The following ANK2 variants were observed in gnomAD, a reference collection of about 807,000 sequenced individuals.
The protein encoded by ANK2 is ankyrin-2.
In ANK2, 83 loss-of-function variants were observed where a neutral mutation model predicts 360.5. The ratio of observed to expected loss-of-function variants is 0.23; its 90% CI spans 0.19 to 0.28. The LOEUF (loss-of-function observed/expected upper bound fraction) is 0.28, where lower values mean the gene tolerates loss of function less well. Ranked by LOEUF, ANK2 falls within the 10% of genes least tolerant of loss-of-function variation. The pLI is 1.00. For missense variants in ANK2, 4,201 were observed against 4,795.7 expected (o/e 0.88, Z 3.66); for synonymous variants, 1,740 against 1,759.5 (o/e 0.99, Z 0.28).
chr4:112,989,305 G>T (rs1192484698), intron 2 of ANK2, among the ~76,000 whole-genome samples: 1 of 152,102 alleles, frequency 6.6e-6, no homozygotes, highest in Non-Finnish European at 1.5e-5. Flanking sequence ...AAACTCAACT[G>T]ATAACTTCAA....
In ANK2 at chr4:112,925,946, T is replaced by A. The variant is rs922082517; in HGVS notation, c.21+21432T>A. On this transcript the variant is annotated intron_variant, in intron 2 of 30. Coordinates refer to the ANK2 transcript ENST00000503271. Reference sequence around the variant, plus strand: ...AAAGTCAGGCATTAATAGTTTGTGTTCTAGACCTCTACACAAAAATTTCAG... The same window carrying A: ...AAAGTCAGGCATTAATAGTTTGTGTACTAGACCTCTACACAAAAATTTCAG... Among the ~76,000 whole-genome samples the A allele has an allele frequency of 9.9e-5, 15 of 152,228 alleles. 1 individual carries two copies. The highest frequency in any genetic ancestry group is 3.6e-4 in the African/African-American group (15 of 41,462).
chr4:112,988,491 A>C (rs1329263251), intron 2 of ANK2, among the ~76,000 whole-genome samples: 1 of 152,230 alleles, frequency 6.6e-6, no homozygotes, highest in East Asian at 1.9e-4. Flanking sequence ...GAAAGAAAAA[A>C]GGGTTGAGCT....
chr4:112,942,278 C>G (rs1271201484), intron 2 of ANK2, among the ~76,000 whole-genome samples: 1 of 152,042 alleles, frequency 6.6e-6, no homozygotes, highest in Non-Finnish European at 1.5e-5. Context: ...GAAAGCTCCA[C>G]TCAGTGGCGC....
At position 113,336,711 on chromosome 4, in the gene ANK2, T is replaced by G. The variant is rs2093588862; in HGVS notation, c.3726T>G (p.Ala1242=). ...PITMTIPVPK[A]SSDVMLNGFG... ...CCATGACCATTCCTGTCCCCAAAGC[T>G]TCAAGTGATGTCATGTTGAATGGTT... The change falls in exon 31 of 46, where the codon GCT becomes GCG. Residue 1242 remains alanine (A), a synonymous_variant. Coordinates refer to ENST00000357077, the MANE Select transcript of ANK2 (RefSeq NM_001148.6). 1.9e-6 allele frequency: 3 copies of G among 1,614,100 alleles called. No individual in the cohort carries two copies. The African/African-American group carries it at 4.0e-5, about 22-fold the overall frequency.
chr4:113,168,268 G>T (rs1348940989), intron 1 of ANK2, among the ~76,000 whole-genome samples: 1 of 152,130 alleles, frequency 6.6e-6, no homozygotes, highest in African/African-American at 2.4e-5. Flanking sequence ...GAATTTATCT[G>T]TTTAGTTAAA....
chr4:112,886,822 A>C (rs2078538300), intron 1 of ANK2, among the ~76,000 whole-genome samples: 1 of 152,220 alleles, frequency 6.6e-6, no homozygotes, highest in Non-Finnish European at 1.5e-5. Flanking sequence ...CAGAATCTCT[A>C]CCATGTTCAC....
At chr4:113,080,024 G>A (rs1359745337) in intron 1 of ANK2, among the ~76,000 whole-genome samples, 3 of 151,432 alleles carry the variant, frequency 2.0e-5, no homozygotes, top group East Asian at 1.9e-4. Flanking sequence ...TCAGTTACCC[G>A]AATAGTTGGG....
At chr4:113,188,651 G>A (rs1047257027) in intron 2 of ANK2, among the ~76,000 whole-genome samples, 19 of 152,140 alleles carry the variant, frequency 1.2e-4, no homozygotes, top group African/African-American at 4.6e-4. Flanking sequence ...TTCTATTAAT[G>A]TGTTTCAGAT....
chr4:113,182,343 T>C (rs2098435356), intron 2 of ANK2, among the ~76,000 whole-genome samples: 1 of 152,176 alleles, frequency 6.6e-6, no homozygotes, highest in African/African-American at 2.4e-5. Context: ...GGCAGTTGGA[T>C]ATATGAATTT....
the ANK2 span, among the ~76,000 whole-genome samples, chr4:112,751,382 C>T: frequency 6.6e-6 from 1 of 152,228 alleles, no homozygotes; most frequent in African/African-American, 2.4e-5. Context: ...AGTCCTGGCT[C>T]AGCCATTAAC....
intron 2 of ANK2, among the ~76,000 whole-genome samples, chr4:113,022,895 G>T (rs933251846): frequency 6.6e-6 from 1 of 152,042 alleles, no homozygotes; most frequent in Non-Finnish European, 1.5e-5. Flanking sequence ...CTCTATTATT[G>T]AAGTTTTACA....
the ANK2 span, among the ~76,000 whole-genome samples, chr4:112,773,839 C>T: frequency 2.6e-5 from 4 of 152,038 alleles, no homozygotes; most frequent in African/African-American, 9.6e-5. Context: ...CTTGCTGTAT[C>T]GCCTAGGCTG....
At chr4:112,972,656 T>A (rs555150196) in intron 2 of ANK2, among the ~76,000 whole-genome samples, 1 of 152,242 alleles carries the variant, frequency 6.6e-6, no homozygotes, top group East Asian at 1.9e-4. Context: ...TCCACAAATA[T>A]AATTTCCTCA....
At chr4:113,087,670 C>T (rs1453217603) in intron 1 of ANK2, among the ~76,000 whole-genome samples, 1 of 151,826 alleles carries the variant, frequency 6.6e-6, no homozygotes, top group Admixed American at 6.6e-5. Context: ...GAATCAAGAC[C>T]TTGAAGTTAT....
the ANK2 span, among the ~76,000 whole-genome samples, chr4:112,770,185 A>G: frequency 2.0e-5 from 3 of 152,100 alleles, no homozygotes; most frequent in Admixed American, 6.6e-5. Context: ...GAATCACAAT[A>G]AAACTGGTTT....
At chr4:113,135,523 C>CTGTGTGTGTGTG (rs33960021) in intron 1 of ANK2, among the ~76,000 whole-genome samples, 1 of 149,312 alleles carries the variant, frequency 6.7e-6, no homozygotes, top group Non-Finnish European at 1.5e-5. Flanking sequence ...GTGTGTCTCT[C>CTGTGTGTGTGTG]TGTGTGTGTG....
At chr4:113,198,988 T>G (rs2153404591) in intron 3 of ANK2, 23 bp from the exon 4 acceptor site, 1 of 1,585,660 alleles carries the variant, frequency 6.3e-7, no homozygotes, top group African/African-American at 1.3e-5. Flanking sequence ...TTGAACATTT[T>G]CTATTTTGTT....
chr4:112,911,604 C>T (rs988212820), intron 2 of ANK2, among the ~76,000 whole-genome samples: 8 of 152,038 alleles, frequency 5.3e-5, no homozygotes, highest in African/African-American at 1.9e-4. Context: ...ACTATGGGTG[C>T]GTGCCCACAC....
At chr4:113,249,457 C>T (rs1433147189) in intron 9 of ANK2, among the ~76,000 whole-genome samples, 1 of 152,198 alleles carries the variant, frequency 6.6e-6, no homozygotes, top group Non-Finnish European at 1.5e-5. Flanking sequence ...CTTGAATACG[C>T]AGACACATGA....
Sources: gnomAD v4.1 joint callset for allele counts (sites outside exome capture counted in the v4.1 genomes callset) on GRCh38, gnomAD v4.1.1 for gene constraint, MANE v1.5 for transcripts, NCBI Gene and HGNC (gene_info 2026-07-23, HGNC 2026-07-21) for gene names.